The following WWOX variants were observed in gnomAD, a reference collection of about 807,000 sequenced individuals.
The protein encoded by WWOX is WW domain-containing oxidoreductase.
In WWOX, 69 loss-of-function variants were observed where a neutral mutation model predicts 46.2. That is an observed-to-expected ratio of 1.49 (90% CI 1.23 to 1.82). The LOEUF is 1.82. Among genes scored for constraint, WWOX ranks in the 40% most tolerant of loss-of-function variants. The pLI, the probability that WWOX is intolerant of heterozygous loss-of-function variation, is 0.00. For missense variants in WWOX, 919 were observed against 542.6 expected (o/e 1.69, Z -6.89); for synonymous variants, 359 against 202.6 (o/e 1.77, Z -6.56).
chr16:78,828,809 G>T (rs945045918), intron 8 of WWOX, among the ~76,000 whole-genome samples: 4 of 152,136 alleles, frequency 2.6e-5, no homozygotes, highest in African/African-American at 9.7e-5. Flanking sequence ...CAGCTGGATT[G>T]GAAACTATGT....
chr16:78,795,512 C>T (rs1295841540), intron 8 of WWOX, among the ~76,000 whole-genome samples: 1 of 152,148 alleles, frequency 6.6e-6, no homozygotes, highest in Non-Finnish European at 1.5e-5. Context: ...AACCTGGCTT[C>T]TTAGTCCACT....
rs2079618765 is a variant in WWOX at position 78,278,535 on chromosome 16, C to T, written c.517-108325C>T. 8.8e-6 allele frequency: 13 copies of T among 1,472,132 alleles called. No homozygotes were observed. In the Admixed American group the frequency reaches 1.2e-4, roughly 13 times the overall value. 91.2% of individuals were successfully genotyped at this position (1,472,132 alleles called of 1,614,324 possible). A position where few individuals can be genotyped will look rare whatever the true frequency, so the allele number is the denominator to read the frequency against. ...GCAAAAACTTATCTTTGGAATGCTTCAAGAAACAGTTCTATGTTGTTCTCA... is the reference window on the plus strand; with the variant it reads ...GCAAAAACTTATCTTTGGAATGCTTTAAGAAACAGTTCTATGTTGTTCTCA... On this transcript the variant is annotated intron_variant, in intron 5 of 8. Transcript: ENST00000566780.
At chr16:79,028,424 C>T (rs1021665903) in intron 8 of WWOX, among the ~76,000 whole-genome samples, 2 of 151,754 alleles carry the variant, frequency 1.3e-5, no homozygotes, top group African/African-American at 4.9e-5. Flanking sequence ...GTGTACAGCG[C>T]TTATCTGTGG....
At chr16:78,207,351 G>C (rs1294020831) in intron 5 of WWOX, among the ~76,000 whole-genome samples, 1 of 151,926 alleles carries the variant, frequency 6.6e-6, no homozygotes, top group Non-Finnish European at 1.5e-5. Flanking sequence ...AAAATTATTT[G>C]ATTCAAGTGT....
chr16:78,551,974 C>G (rs1024093617), intron 8 of WWOX: 2 of 152,144 alleles, frequency 1.3e-5, no homozygotes, highest in African/African-American at 4.8e-5. Flanking sequence ...CTGGGGAGGG[C>G]TCTCTGCTGT....
At chr16:79,132,163 CACA>C (rs1567571792) in intron 8 of WWOX, among the ~76,000 whole-genome samples, 3 of 145,694 alleles carry the variant, frequency 2.1e-5, no homozygotes, top group Non-Finnish European at 4.6e-5. Context: ...CACACACACA[CACA>C]CCCCTTCCTA....
intron 5 of WWOX, among the ~76,000 whole-genome samples, chr16:78,207,917 A>G (rs543246315): frequency 1.6e-4 from 25 of 152,178 alleles, no homozygotes; most frequent in South Asian, 4.2e-4. Context: ...GGCTCAAGCA[A>G]TCCTCCTAGC....
intron 8 of WWOX, among the ~76,000 whole-genome samples, chr16:78,849,366 T>G (rs1217025784): frequency 6.6e-6 from 1 of 151,220 alleles, no homozygotes; most frequent in African/African-American, 2.4e-5. Flanking sequence ...GGTCGGGAGA[T>G]CGAGACTATC....
chr16:78,545,017 G>C (rs1458578550), intron 8 of WWOX, among the ~76,000 whole-genome samples: 18 of 151,858 alleles, frequency 1.2e-4, no homozygotes, highest in Admixed American at 1.1e-3. Flanking sequence ...CTTTACAAAA[G>C]AGAGAGAGAG....
chr16:78,583,694 C>A (rs1344973304), intron 8 of WWOX, among the ~76,000 whole-genome samples: 1 of 152,158 alleles, frequency 6.6e-6, no homozygotes, highest in Non-Finnish European at 1.5e-5. Context: ...GGTTGCTTGG[C>A]CCAGGAACCC....
At chr16:78,943,011 T>G (rs1405608064) in intron 8 of WWOX, among the ~76,000 whole-genome samples, 1 of 152,212 alleles carries the variant, frequency 6.6e-6, no homozygotes, top group Non-Finnish European at 1.5e-5. Flanking sequence ...AAGCCTGCCT[T>G]TCTGCGTTTA....
Position 78,501,068 on chromosome 16 carries a change from G to C in WWOX, c.1056+68316G>C, listed in dbSNP as rs181718766. Among the ~76,000 whole-genome samples the C allele has an allele frequency of 7.9e-5, 12 of 152,192 alleles. No homozygotes were observed. In the East Asian group the frequency reaches 2.3e-3, roughly 29 times the overall value. On this transcript the variant is annotated intron_variant, in intron 8 of 8. Coordinates refer to ENST00000566780, the MANE Select transcript of WWOX (RefSeq NM_016373.4). Reference sequence around the variant, plus strand: ...AGGCATTTAACAGTGAAGAATGTTGGGCAGGGCAGAGGGTCAGCTGAATGG... The same window carrying C: ...AGGCATTTAACAGTGAAGAATGTTGCGCAGGGCAGAGGGTCAGCTGAATGG...
At chr16:79,111,461 G>A (rs1230928960) in intron 8 of WWOX, among the ~76,000 whole-genome samples, 2 of 152,166 alleles carry the variant, frequency 1.3e-5, no homozygotes, top group Non-Finnish European at 2.9e-5. Flanking sequence ...GACTGAAAAT[G>A]TAGACCTAAC....
chr16:78,254,305 G>A (rs1236812990), intron 5 of WWOX, among the ~76,000 whole-genome samples: 3 of 151,624 alleles, frequency 2.0e-5, no homozygotes, highest in Non-Finnish European at 4.4e-5. Flanking sequence ...GGCTAGTCTC[G>A]AACTCCTGGG....
intron 8 of WWOX, among the ~76,000 whole-genome samples, chr16:78,887,150 G>T (rs1344730324): frequency 6.9e-6 from 1 of 144,310 alleles, no homozygotes; most frequent in Non-Finnish European, 1.5e-5. Flanking sequence ...CTAGTCTAGG[G>T]CTAGGTTTGG....
intron 5 of WWOX, among the ~76,000 whole-genome samples, chr16:78,370,130 C>CAAAAAAAA (rs749015478): frequency 2.6e-5 from 2 of 76,090 alleles, no homozygotes; most frequent in South Asian, 6.1e-4. Context: ...AGACTGTCTC[C>CAAAAAAAA]AAAAAAAAAA....
chr16:78,213,964 A>C (rs1035170223), intron 5 of WWOX, among the ~76,000 whole-genome samples: 20 of 152,034 alleles, frequency 1.3e-4, no homozygotes, highest in Admixed American at 6.5e-5. Flanking sequence ...TCCCCTGTAC[A>C]GCTGCCTCTG....
chr16:78,886,976 G>C lies in WWOX; in HGVS notation c.1057-324632G>C, dbSNP rs1055846718. Among the ~76,000 whole-genome samples, 4 of 151,930 alleles carry C rather than the reference G, an allele frequency of 2.6e-5. No homozygotes were observed. In the South Asian group the frequency reaches 8.3e-4, roughly 32 times the overall value. On this transcript the variant is annotated intron_variant, in intron 8 of 8. Transcript: ENST00000566780. ...TTCTTAAAGTTTATAGGGTCTGCTG[G>C]GTTTAAGGAGGAGAAATTTGAGTTT...
chr16:78,916,198 T>C (rs1441454872), intron 8 of WWOX, among the ~76,000 whole-genome samples: 1 of 152,180 alleles, frequency 6.6e-6, no homozygotes, highest in Non-Finnish European at 1.5e-5. Context: ...GACCTTATGC[T>C]GACAGTAGGG....
Sources: allele counts gnomAD v4.1 joint callset (sites outside exome capture counted in the v4.1 genomes callset), GRCh38; gene constraint gnomAD v4.1.1; transcripts MANE v1.5; gene names NCBI Gene and HGNC (gene_info 2026-07-23, HGNC 2026-07-21).